Variants in MYO1G observed in about 807,000 individuals in gnomAD.
The protein encoded by MYO1G is myosin IG, also known as unconventional myosin-Ig.
Under a neutral mutation model 115.3 loss-of-function variants are expected in MYO1G, and 65 were observed. The observed-to-expected ratio is 0.56, with a 90% CI of 0.46 to 0.69. MYO1G has a LOEUF of 0.69. MYO1G is among the 30% of genes least tolerant of loss of function. The pLI is 0.00. For missense variants in MYO1G, 1,204 were observed against 1,393.5 expected (o/e 0.86, Z 2.16); for synonymous variants, 510 against 552.6 (o/e 0.92, Z 1.08).
At chr7:44,978,812 C>T (rs552914125) in intron 1 of MYO1G, 55 bp downstream of exon 1, 255 of 1,535,536 alleles carry the variant, frequency 1.7e-4, no homozygotes, top group Non-Finnish European at 2.0e-4. Context: ...TCTGCGAGGA[C>T]GCAAGGTGGG....
At chr7:44,971,885 C>A (rs1794965025) in intron 6 of MYO1G, 96 bp from the exon 7 acceptor site, 1 of 856,062 alleles carries the variant, frequency 1.2e-6, no homozygotes, top group Admixed American at 2.2e-5. Flanking sequence ...CACCTGCTCA[C>A]CCCTGTCCCC....
chr7:44,963,460 C>G lies in MYO1G; in HGVS notation c.2746-336G>C, dbSNP rs1271962609. On this transcript the variant is annotated intron_variant, in intron 20 of 21. Transcript: ENST00000258787. The surrounding 1 kb of genome is among the most constrained non-coding windows in gnomAD (Gnocchi z 4.1). ...GCCGTTTTTAGTTCTAGGTCACTTTCACTGCATTTAAACAACCACGCCGGC... is the reference window on the plus strand; with the variant it reads ...GCCGTTTTTAGTTCTAGGTCACTTTGACTGCATTTAAACAACCACGCCGGC... The G allele has an allele frequency of 3.1e-6, 1 of 322,222 alleles. No homozygotes were observed. Among genetic ancestry groups the G allele is most frequent in the Admixed American group, 4.7e-5 (1 of 21,224 alleles). The allele number at this position is 322,222 out of a possible 1,614,324, so 20.0% of individuals were successfully genotyped here.
rs1384841100 is a variant in MYO1G, at chr7:44,976,843, C to T, written c.304+20G>A. ...AAATGAAGATGCCGAGGGTGGGGGC[C>T]CGGCGGCAGGGACAGGTACCTGAGA... On this transcript the variant is annotated intron_variant, in intron 2 of 21. Coordinates refer to ENST00000258787, the MANE Select transcript of MYO1G (RefSeq NM_033054.3). 5 of 1,612,082 alleles carry T rather than the reference C, an allele frequency of 3.1e-6. No homozygotes were observed. The highest frequency in any genetic ancestry group is 3.4e-6 in the Non-Finnish European group (4 of 1,179,426).
intron 1 of MYO1G, 113 bp from the exon 2 acceptor site, chr7:44,977,184 C>T (rs958032288): frequency 2.6e-5 from 26 of 983,344 alleles, no homozygotes; most frequent in Middle Eastern, 3.2e-4. Flanking sequence ...CCCACCCTGA[C>T]GGGCTGAGAG....
At chr7:44,976,701 T>G in intron 2 of MYO1G, 44 bp from the exon 3 acceptor site, 1 of 1,611,312 alleles carries the variant, frequency 6.2e-7, no homozygotes, top group South Asian at 1.1e-5. Context: ...AGGTTCGCTC[T>G]CTTAGCCCAG....
Position 44,964,233 on chromosome 7 carries a change from C to T in MYO1G, c.2632-71G>A. On this transcript the variant is annotated intron_variant, in intron 19 of 21. Transcript: ENST00000258787. This position sits in a 1 kb window ranked among gnomAD's most constrained non-coding sequence, Gnocchi z 5.1. ...CACCAGGGCCCCAGGCTTCGGCAGT[C>T]CCTACTGCCTCCCCTCCCCGCTGGC... 2.2e-6 allele frequency: 3 copies of T among 1,391,998 alleles called. No homozygotes were observed. Among genetic ancestry groups the T allele is most frequent in the Non-Finnish European group, 3.0e-6 (3 of 1,000,066 alleles). The allele number at this position is 1,391,998 out of a possible 1,614,324, so 86.2% of individuals were successfully genotyped here.
At chr7:44,975,957 G>A (rs190946532) in intron 3 of MYO1G, among the ~76,000 whole-genome samples, 1 of 152,336 alleles carries the variant, frequency 6.6e-6, no homozygotes, top group Admixed American at 6.5e-5. Context: ...TGCAGCCTGG[G>A]GAGGAGGGGC....
At position 44,964,320 on chromosome 7, in the gene MYO1G, A is replaced by G; in HGVS notation, c.2631+95T>C. On this transcript the variant is annotated intron_variant, in intron 19 of 21. Transcript: ENST00000258787. The surrounding 1 kb of genome is among the most constrained non-coding windows in gnomAD (Gnocchi z 5.1). ...GCTGGGGTTGCCTCCATTTTCTCCC[A>G]AGTGCCCCCCCAAAACTCTGCACCA... is the stretch of plus-strand genomic sequence containing the variant. 1 of 1,386,300 alleles carries G rather than the reference A, an allele frequency of 7.2e-7. No homozygotes were observed. Among genetic ancestry groups the G allele is most frequent in the South Asian group, 1.2e-5 (1 of 85,842 alleles). 85.9% of individuals were successfully genotyped at this position (1,386,300 alleles called of 1,614,324 possible). A position where few individuals can be genotyped will look rare whatever the true frequency, so the allele number is the denominator to read the frequency against.
chr7:44,972,574 G>C (rs1035260323), intron 5 of MYO1G: 1 of 280,590 alleles, frequency 3.6e-6, no homozygotes. Context: ...GACACTACCC[G>C]GGTCCCAAAA....
Position 44,966,827 on chromosome 7 carries a change from G to A in MYO1G, c.1794C>T (p.Tyr598=), listed in dbSNP as rs1477954563. ...VENLASKEPF[Y]VRCIKPNEDK... ...CCTCATTGGGCTTGATGCAGCGGAC[G>A]TAGAAGGGCTCCTGCAGGGACAGAG... The change falls in exon 15 of 22, where the codon TAC becomes TAT. Residue 598 remains tyrosine (Y), a synonymous_variant. Coordinates refer to ENST00000258787, the MANE Select transcript of MYO1G (RefSeq NM_033054.3). The surrounding 1 kb of genome is among the most constrained non-coding windows in gnomAD (Gnocchi z 5.0). The A allele has an allele frequency of 1.3e-5, 21 of 1,608,344 alleles. No individual in the cohort carries two copies. The highest frequency in any genetic ancestry group is 2.7e-5 in the African/African-American group (2 of 74,934).
At chr7:44,971,175 C>T (rs1399197022) in intron 7 of MYO1G, 116 bp from the exon 8 acceptor site, 3 of 876,396 alleles carry the variant, frequency 3.4e-6, no homozygotes, top group Non-Finnish European at 5.2e-6. Flanking sequence ...AGTACAGCTC[C>T]TTCTCAGACC....
chr7:44,966,126 G>A lies in MYO1G; in HGVS notation c.2104C>T (p.Leu702=). ...FIRSPRTLVT[L]EQSRARLIPI... is the part of the protein sequence containing the mutation. ...ATGAGGCGGGCTCGGCTCTGCTCCA[G>A]TGTGACCAGTGTCCGGGGTGAGCGG... The change falls in exon 16 of 22, where the codon CTG becomes TTG. Residue 702 remains leucine, a synonymous_variant. Transcript: ENST00000258787. The surrounding 1 kb of genome is among the most constrained non-coding windows in gnomAD (Gnocchi z 5.0). 2 of 1,613,058 alleles carry A rather than the reference G, an allele frequency of 1.2e-6. No individual in the cohort carries two copies. Among genetic ancestry groups the A allele is most frequent in the Non-Finnish European group, 1.7e-6 (2 of 1,180,006 alleles).
At position 44,969,010 on chromosome 7, in the gene MYO1G, G is replaced by A. The variant is rs566591344; in HGVS notation, c.1574+403C>T. The A allele has an allele frequency of 7.8e-5, 16 of 205,964 alleles. No individual in the cohort carries two copies. Among genetic ancestry groups the A allele is most frequent in the African/African-American group, 3.0e-4 (13 of 43,866 alleles). 12.8% of individuals were successfully genotyped at this position (205,964 alleles called of 1,614,324 possible). The stretch of plus-strand genomic sequence containing the variant: ...ACACCTGGGCTTTGGCACTGGGAGC[G>A]TGGTCCAAGTATGGTAGCGAGGCCT... On this transcript the variant is annotated intron_variant, in intron 12 of 21. Transcript: ENST00000258787. The surrounding 1 kb of genome is among the most constrained non-coding windows in gnomAD (Gnocchi z 5.0).
In MYO1G at chr7:44,969,972, C is replaced by A; in HGVS notation, c.1332+68G>T. On this transcript the variant is annotated intron_variant, in intron 10 of 21. Transcript: ENST00000258787. This position sits in a 1 kb window ranked among gnomAD's most constrained non-coding sequence, Gnocchi z 5.0. Reference sequence around the variant, plus strand: ...CAGCCACCTGTCAGGCCAGCCCGGGCCCCTCCCCATGGGCTGAGGCCCCTC... The same window carrying A: ...CAGCCACCTGTCAGGCCAGCCCGGGACCCTCCCCATGGGCTGAGGCCCCTC... The A allele has an allele frequency of 2.5e-6, 4 of 1,593,192 alleles. No homozygotes were observed. Among genetic ancestry groups the A allele is most frequent in the Non-Finnish European group, 3.4e-6 (4 of 1,166,366 alleles).
Position 44,964,291 on chromosome 7 carries a change from C to T in MYO1G, c.2631+124G>A. 7.7e-7 allele frequency: 1 copy of T among 1,300,298 alleles called. No individual in the cohort carries two copies. The highest frequency in any genetic ancestry group is 1.1e-6 in the Non-Finnish European group (1 of 909,178). The allele number at this position is 1,300,298 out of a possible 1,614,324, so 80.5% of individuals were successfully genotyped here. On this transcript the variant is annotated intron_variant, in intron 19 of 21. Coordinates refer to ENST00000258787, the MANE Select transcript of MYO1G (RefSeq NM_033054.3). The surrounding 1 kb of genome is among the most constrained non-coding windows in gnomAD (Gnocchi z 5.1). ...TTGGGAGTGTCAGGAGCAGCTGGGC[C>T]TGGGCTGGGGTTGCCTCCATTTTCT...
At chr7:44,970,790 T>C (rs766570707) in intron 8 of MYO1G, 45 bp downstream of exon 8, 12 of 1,613,314 alleles carry the variant, frequency 7.4e-6, no homozygotes, top group Non-Finnish European at 9.3e-6. Flanking sequence ...GCCTCCCCCA[T>C]GAAGGCCTCC....
Position 44,971,737 on chromosome 7 carries a change from A to C in MYO1G, c.782T>G (p.Val261Gly), listed in dbSNP as rs200568970. Residue 261 changes from valine (V) to glycine (G), a missense_variant, in exon 7 of 22, where the codon GTC (valine) becomes GGC (glycine). Physicochemically the swap from Val to Gly is moderately radical, Grantham distance 109. Coordinates refer to ENST00000258787, the MANE Select transcript of MYO1G (RefSeq NM_033054.3). ...SHQAVTEAMR[V>G]IGFSPEEVES... The stretch of plus-strand genomic sequence containing the variant: ...CACCTCTTCAGGACTGAAGCCGATG[A>C]CCCTCATGGCCTCGGTCACTGCCTG... 1.2e-5 allele frequency: 18 copies of C among 1,556,058 alleles called. No individual in the cohort carries two copies. The highest frequency in any genetic ancestry group is 1.9e-5 in the Admixed American group (1 of 51,534).
intron 5 of MYO1G, chr7:44,974,446 C>T (rs530520951): frequency 1.3e-5 from 2 of 152,336 alleles, no homozygotes; most frequent in African/African-American, 4.8e-5. Flanking sequence ...TCCCACTGCA[C>T]TGGGGAGCTG....
rs767632037 is a variant in MYO1G, at chr7:44,975,206, C to T, written c.586G>A (p.Val196Met). The change falls in exon 5 of 22, where the codon GTG (valine) becomes ATG (methionine). Residue 196 changes from valine to methionine, a missense_variant. Transcript: ENST00000258787. ...LEKSRVLKQHVGERNFHAFYQ... is the reference protein window; with the variant it reads ...LEKSRVLKQHMGERNFHAFYQ... ...AAGGCGTGGAAGTTTCTTTCACCCA[C>T]GTGCTGCTTGAGGACCCGAGACTGA... 3.1e-6 allele frequency: 5 copies of T among 1,613,966 alleles called. No homozygotes were observed. The highest frequency in any genetic ancestry group is 4.5e-5 in the East Asian group (2 of 44,888).
Sources: gnomAD v4.1 joint callset for allele counts (sites outside exome capture counted in the v4.1 genomes callset) on GRCh38, gnomAD v4.1.1 for gene constraint, Gnocchi (gnomAD v3.1) non-coding constraint, MANE v1.5 for transcripts, NCBI Gene and HGNC (gene_info 2026-07-23, HGNC 2026-07-21) for gene names.